The following COL24A1 variants were observed in gnomAD, a reference collection of about 807,000 sequenced individuals.
The protein encoded by COL24A1 is collagen type XXIV alpha 1 chain.
COL24A1 carries 224 observed loss-of-function variants against 253.9 expected under a neutral mutation model. That is an observed-to-expected ratio of 0.88 (90% CI 0.79 to 0.99). The LOEUF is 0.99. COL24A1 is among the 50% of genes least tolerant of loss of function. COL24A1 has a pLI of 0.00. For synonymous variants in COL24A1, 685 were observed against 673.7 expected (o/e 1.02, Z -0.26); for missense variants, 2,131 against 2,068.5 (o/e 1.03, Z -0.59).
At chr1:85,833,488 A>T (rs1203790465) in intron 43 of COL24A1, among the ~76,000 whole-genome samples, 1 of 152,214 alleles carries the variant, frequency 6.6e-6, no homozygotes, top group Middle Eastern at 3.2e-3. Context: ...GAGGATGTGG[A>T]GAAATAGGAA....
chr1:85,768,413 G>C (rs992065706), intron 53 of COL24A1, among the ~76,000 whole-genome samples: 2 of 152,074 alleles, frequency 1.3e-5, no homozygotes, highest in African/African-American at 4.8e-5. Context: ...TCGTAGTGGG[G>C]GAAAAGTGGA....
chr1:86,066,575 C>T (rs1256529349), intron 7 of COL24A1, among the ~76,000 whole-genome samples: 1 of 151,842 alleles, frequency 6.6e-6, no homozygotes. Flanking sequence ...CTACGCAATC[C>T]GAAGAGCCTA....
At chr1:86,146,088 A>C in intron 2 of COL24A1, 31 bp downstream of exon 2, 1 of 1,567,144 alleles carries the variant, frequency 6.4e-7, no homozygotes, top group Middle Eastern at 1.7e-4. Context: ...ATTTTTAAGT[A>C]AGCAAATAAA....
chr1:85,739,604 T>G (rs2100865714), intron 57 of COL24A1, among the ~76,000 whole-genome samples: 1 of 152,366 alleles, frequency 6.6e-6, no homozygotes, highest in South Asian at 2.1e-4. Flanking sequence ...CATTATATCA[T>G]TCATTAGTTC....
At chr1:85,889,227 T>C (rs1682843765) in intron 32 of COL24A1, among the ~76,000 whole-genome samples, 1 of 152,060 alleles carries the variant, frequency 6.6e-6, no homozygotes, top group Non-Finnish European at 1.5e-5. Context: ...GCCTCATAAA[T>C]GTGATTGTGC....
intron 47 of COL24A1, among the ~76,000 whole-genome samples, chr1:85,795,553 T>C (rs1384684612): frequency 6.6e-6 from 1 of 152,184 alleles, no homozygotes; most frequent in Non-Finnish European, 1.5e-5. Context: ...TCAATTTTAT[T>C]GATTTCTCAT....
intron 5 of COL24A1, among the ~76,000 whole-genome samples, chr1:86,101,966 C>T (rs959015010): frequency 6.6e-6 from 1 of 151,304 alleles, no homozygotes; most frequent in Non-Finnish European, 1.5e-5. Context: ...TGTACCAGCT[C>T]TTTTTTGTAC....
intron 37 of COL24A1, among the ~76,000 whole-genome samples, chr1:85,850,118 T>G (rs1407035640): frequency 1.3e-5 from 2 of 152,186 alleles, no homozygotes; most frequent in African/African-American, 4.8e-5. Context: ...AAAAGTATAT[T>G]AAAAGTTTTC....
At chr1:85,921,852 G>A (rs1446662554) in intron 24 of COL24A1, among the ~76,000 whole-genome samples, 1 of 152,160 alleles carries the variant, frequency 6.6e-6, no homozygotes, top group African/African-American at 2.4e-5. Flanking sequence ...CAGAAGGTCA[G>A]TAATAACAAA....
At position 85,977,628 on chromosome 1, in the gene COL24A1, G is replaced by T. The variant is rs1224422317; in HGVS notation, c.2365-6235C>A. Among the ~76,000 whole-genome samples the T allele has an allele frequency of 2.0e-5, 3 of 152,094 alleles. No individual in the cohort carries two copies. The East Asian group carries it at 5.8e-4, about 29-fold the overall frequency. ...GACAGGTAGAAGAAAGAACTTCAGA[G>T]CTCAAAGACAAAGCTTCCTAATTAA... On this transcript the variant is annotated intron_variant, in intron 20 of 59. Coordinates refer to ENST00000370571, the MANE Select transcript of COL24A1 (RefSeq NM_152890.7).
At position 85,981,716 on chromosome 1, in the gene COL24A1, G is replaced by A. The variant is rs879556238; in HGVS notation, c.2364+5885C>T. ...ACAACAGAGTGAAAAGTCAACCTACGTAATGGAAAGCAATATTTTCAAATC... is the reference window on the plus strand; with the variant it reads ...ACAACAGAGTGAAAAGTCAACCTACATAATGGAAAGCAATATTTTCAAATC... On this transcript the variant is annotated intron_variant, in intron 20 of 59. Transcript: ENST00000370571. Among the ~76,000 whole-genome samples, 108 of 152,212 alleles carry A rather than the reference G, an allele frequency of 7.1e-4. 1 individual carries two copies. Among genetic ancestry groups the A allele is most frequent in the Admixed American group, 2.6e-4 (4 of 15,292 alleles).
At chr1:85,842,497 T>C (rs1448365592) in intron 39 of COL24A1, 104 bp from the exon 40 acceptor site, 4 of 810,342 alleles carry the variant, frequency 4.9e-6, no homozygotes, top group Non-Finnish European at 7.8e-6. Context: ...AGATTTTTCA[T>C]GGTTGAAATT....
intron 45 of COL24A1, among the ~76,000 whole-genome samples, chr1:85,821,271 GTTGGTTAGGTTAAATTAATCA>G: frequency 6.6e-6 from 1 of 152,228 alleles, no homozygotes; most frequent in South Asian, 2.1e-4. Flanking sequence ...GAATGAATTG[GTTGGTTAGGTTAAATTAATCA>G]TATTTTACTT....
intron 37 of COL24A1, among the ~76,000 whole-genome samples, chr1:85,853,308 T>C (rs1678015322): frequency 6.6e-6 from 1 of 152,250 alleles, no homozygotes; most frequent in African/African-American, 2.4e-5. Flanking sequence ...TCTTGTTCTT[T>C]TTCTATGGCT....
rs1207357851 is a variant in COL24A1 at position 86,103,336 on chromosome 1, C to A, written c.1599+9231G>T. Among the ~76,000 whole-genome samples, 4 of 152,014 alleles carry A rather than the reference C, an allele frequency of 2.6e-5. No individual in the cohort carries two copies. The East Asian group carries it at 7.7e-4, about 29-fold the overall frequency. On this transcript the variant is annotated intron_variant, in intron 5 of 59. Transcript: ENST00000370571. ...CATTGAGTTTTGGTTCTTTAGCCTG[C>A]CACTCCGTTCCTTTTCATTGAGACA...
intron 1 of COL24A1, chr1:86,156,062 C>T (rs910744698): frequency 5.2e-5 from 18 of 344,324 alleles, no homozygotes; most frequent in Non-Finnish European, 7.3e-5. Context: ...GGAGCCGCTG[C>T]CCTGGACCTC....
intron 2 of COL24A1, 133 bp downstream of exon 2, chr1:86,145,986 A>G: frequency 1.7e-6 from 1 of 603,232 alleles, no homozygotes; most frequent in Non-Finnish European, 2.7e-6. Context: ...TTACATTCTC[A>G]TGGTACTGGG....
At chr1:85,911,931 G>A (rs765840093) in intron 24 of COL24A1, among the ~76,000 whole-genome samples, 1 of 152,076 alleles carries the variant, frequency 6.6e-6, no homozygotes, top group Non-Finnish European at 1.5e-5. Flanking sequence ...TACTGAGGAA[G>A]ACAAATCTAG....
chr1:86,009,958 C>G (rs1696342286), intron 19 of COL24A1, among the ~76,000 whole-genome samples: 1 of 149,450 alleles, frequency 6.7e-6, no homozygotes, highest in African/African-American at 2.5e-5. Flanking sequence ...AACTATGATA[C>G]TGAAGCAAAG....
Sources: allele counts gnomAD v4.1 joint callset (sites outside exome capture counted in the v4.1 genomes callset), GRCh38; gene constraint gnomAD v4.1.1; transcripts MANE v1.5; gene names NCBI Gene and HGNC (gene_info 2026-07-23, HGNC 2026-07-21).